Variants in ZNF10 observed in about 807,000 individuals in gnomAD.
The protein encoded by ZNF10 is zinc finger protein 10 (KOX 1).
In ZNF10, 8 loss-of-function variants were observed where a neutral mutation model predicts 12.2. That is an observed-to-expected ratio of 0.66 (90% CI 0.39 to 1.18). The LOEUF (loss-of-function observed/expected upper bound fraction) is 1.18, where lower values mean the gene tolerates loss of function less well. Among genes scored for constraint, ZNF10 ranks in the 50% most tolerant of loss-of-function variants. ZNF10 has a pLI of 0.01. For missense variants in ZNF10, 603 were observed against 678.9 expected, an observed-to-expected ratio of 0.89 and a Z score of 1.24; for synonymous variants, 229 against 228.2, an observed-to-expected ratio of 1.00 and a Z score of -0.03.
intron 1 of ZNF10, among the ~76,000 whole-genome samples, chr12:133,132,230 T>C (rs1955883784): frequency 6.6e-6 from 1 of 152,134 alleles, no homozygotes; most frequent in Non-Finnish European, 1.5e-5. Flanking sequence ...AAAACAGTTC[T>C]GTTTATAGAT....
intron 2 of ZNF10, chr12:133,145,011 T>C (rs770132079): frequency 5.7e-6 from 2 of 350,508 alleles, no homozygotes; most frequent in Admixed American, 4.0e-5. Flanking sequence ...GCCTCCCAAG[T>C]AGCTGGGACT....
At chr12:133,146,439 A>G (rs895154266) in intron 2 of ZNF10, among the ~76,000 whole-genome samples, 3 of 152,218 alleles carry the variant, frequency 2.0e-5, no homozygotes, top group African/African-American at 4.8e-5. Context: ...CAGATCTCAT[A>G]GGACATTCCA....
At position 133,144,502 on chromosome 12, in the gene ZNF10, A is replaced by G; in HGVS notation, c.10A>G (p.Lys4Glu). 6.2e-7 allele frequency: 1 copy of G among 1,614,050 alleles called. No homozygotes were observed. The highest frequency in any genetic ancestry group is 1.1e-5 in the South Asian group (1 of 91,072). Reference protein sequence around the residue: MDAKSLTAWSRTLV... With the variant: MDAESLTAWSRTLV... ...CAAGAACAAGGAGGGCATGGATGCT[A>G]AGTCACTAACTGCCTGGTCCCGGGT... The change falls in exon 2 of 5, where the codon AAG (lysine) becomes GAG (glutamate). Residue 4 changes from lysine (K) to glutamate (E), a missense_variant. Lys to Glu is a moderately conservative substitution (Grantham distance 56, BLOSUM62 1). This residue lies in a region of ZNF10 where 393 missense variants were observed against 399.7 expected (regional missense o/e 0.98). Coordinates refer to ENST00000248211, the MANE Select transcript of ZNF10 (RefSeq NM_015394.5).
Position 133,151,088 on chromosome 12 carries a change from G to GAC in ZNF10, c.97_98dup (p.Ala34LeufsTer10). ...CACCAGGGAGGAGTGGAAGCTGCTG[G>GAC]ACACTGCTCAGCAGATCGTGTACAG... On this transcript the variant is annotated frameshift_variant, in exon 3 of 5. Transcript: ENST00000248211. LOFTEE classifies it high-confidence loss of function. The GAC allele has an allele frequency of 2.5e-6, 4 of 1,613,912 alleles. No individual in the cohort carries two copies. In the South Asian group the frequency reaches 3.3e-5, roughly 13 times the overall value.
intron 1 of ZNF10, among the ~76,000 whole-genome samples, chr12:133,132,727 A>C (rs538819057): frequency 6.6e-6 from 1 of 152,330 alleles, no homozygotes; most frequent in East Asian, 1.9e-4. Flanking sequence ...TTGACTCGTA[A>C]TGAACATCCA....
chr12:133,151,095 C>T lies in ZNF10; in HGVS notation c.101C>T (p.Ala34Val). Reference protein sequence around the residue: ...TREEWKLLDTAQQIVYRNVML... With the variant: ...TREEWKLLDTVQQIVYRNVML... ...GAGGAGTGGAAGCTGCTGGACACTG[C>T]TCAGCAGATCGTGTACAGAAATGTG... The change falls in exon 3 of 5, where the codon GCT (alanine) becomes GTT (valine). Residue 34 changes from alanine (A) to valine (V), a missense_variant. Ala to Val is a moderately conservative substitution (Grantham distance 64). Transcript: ENST00000248211. 6.2e-7 allele frequency: 1 copy of T among 1,613,912 alleles called. No homozygotes were observed. Among genetic ancestry groups the T allele is most frequent in the Non-Finnish European group, 8.5e-7 (1 of 1,179,820 alleles).
At chr12:133,150,272 T>C (rs1320949839) in intron 2 of ZNF10, among the ~76,000 whole-genome samples, 3 of 152,208 alleles carry the variant, frequency 2.0e-5, no homozygotes, top group African/African-American at 7.2e-5. Context: ...CAAATTCTGT[T>C]AGTTTTAGTT....
At position 133,157,713 on chromosome 12, in the gene ZNF10, C is replaced by T. The variant is rs1956051216; in HGVS notation, c.*745C>T. 1 of 152,202 alleles carries T rather than the reference C, an allele frequency of 6.6e-6. No homozygotes were observed. The highest frequency in any genetic ancestry group is 2.1e-4 in the South Asian group (1 of 4,828). 9.4% of individuals were successfully genotyped at this position (152,202 alleles called of 1,614,324 possible). A position where few individuals can be genotyped will look rare whatever the true frequency, so the allele number is the denominator to read the frequency against. ...TATTGTAAGAGGATATCTAGTTTCT[C>T]TATTCTACCATCAAAGAAGCTTTTG... is the stretch of plus-strand genomic sequence containing the variant. On this transcript the variant is annotated 3_prime_UTR_variant, in exon 5 of 5. Transcript: ENST00000248211.
intron 1 of ZNF10, among the ~76,000 whole-genome samples, chr12:133,133,476 T>A (rs1367546247): frequency 6.6e-6 from 1 of 152,198 alleles, no homozygotes; most frequent in Admixed American, 6.5e-5. Flanking sequence ...GTCCTAATTC[T>A]TAAGTGGTTC....
chr12:133,151,873 G>A lies in ZNF10; in HGVS notation c.225G>A (p.Val75=), dbSNP rs749401157. ...AGAAGGGAGAAGAGCCCTGGCTGGT[G>A]GAGAGAGAAATTCACCAAGAGACCC... The part of the protein sequence containing the change: ...RLEKGEEPWL[V]EREIHQETHP... Residue 75 remains valine (V), a synonymous_variant, in exon 4 of 5, where the codon GTG becomes GTA. Coordinates refer to ENST00000248211, the MANE Select transcript of ZNF10 (RefSeq NM_015394.5). The A allele has an allele frequency of 1.9e-6, 3 of 1,613,494 alleles. No homozygotes were observed. The highest frequency in any genetic ancestry group is 1.7e-6 in the Non-Finnish European group (2 of 1,179,588).
rs1175302663 is a variant in ZNF10, at chr12:133,146,097, TAG to T, written c.33+1573_33+1574del. 3.9e-5 allele frequency among the ~76,000 whole-genome samples: 6 copies of T among 152,248 alleles called. No individual in the cohort carries two copies. The East Asian group carries it at 1.2e-3, about 29-fold the overall frequency. On this transcript the variant is annotated intron_variant, in intron 2 of 4. Transcript: ENST00000248211. The stretch of plus-strand genomic sequence containing the variant: ...GAGTGAGTCAAGGACTAGTGGAAAG[TAG>T]CAGGCACACTGAACTTCAGTAATAC...
Position 133,155,701 on chromosome 12 carries a change from T to C in ZNF10, c.455T>C (p.Phe152Ser), listed in dbSNP as rs1383249108. 1 of 1,611,766 alleles carries C rather than the reference T, an allele frequency of 6.2e-7. No homozygotes were observed. The highest frequency in any genetic ancestry group is 1.7e-5 in the Admixed American group (1 of 59,516). ...GAGAGACATTTGAGGCAAGTGGCAT[T>C]CACCCAAAAGAAAGTACTTACTCAG... ...NPERHLRQVA[F>S]TQKKVLTQER... Residue 152 changes from phenylalanine (F) to serine (S), a missense_variant, in exon 5 of 5, where the codon TTC becomes TCC. This residue lies in a region of ZNF10 where 393 missense variants were observed against 399.7 expected (regional missense o/e 0.98). Coordinates refer to ENST00000248211, the MANE Select transcript of ZNF10 (RefSeq NM_015394.5).
chr12:133,145,810 C>G (rs577907501), intron 2 of ZNF10, among the ~76,000 whole-genome samples: 1 of 135,936 alleles, frequency 7.4e-6, no homozygotes, highest in African/African-American at 2.6e-5. Flanking sequence ...GTCCCACCCC[C>G]CCACCCCCAC....
intron 1 of ZNF10, among the ~76,000 whole-genome samples, chr12:133,136,433 C>T (rs528312594): frequency 6.6e-6 from 1 of 152,290 alleles, no homozygotes; most frequent in South Asian, 2.1e-4. Context: ...ATTTATCTAA[C>T]TCTATTTTGA....
intron 1 of ZNF10, among the ~76,000 whole-genome samples, chr12:133,136,288 C>G (rs1455628677): frequency 1.3e-5 from 2 of 152,164 alleles, no homozygotes; most frequent in East Asian, 3.9e-4. Flanking sequence ...CCTGCCCTTT[C>G]TCTTCCTTCT....
At chr12:133,131,344 G>A (rs564647894) in intron 1 of ZNF10, among the ~76,000 whole-genome samples, 89 of 73,548 alleles carry the variant, frequency 1.2e-3, no homozygotes, top group Non-Finnish European at 2.0e-3. Flanking sequence ...ATATATATAC[G>A]CCATCTAACA....
intron 1 of ZNF10, among the ~76,000 whole-genome samples, chr12:133,135,246 G>A (rs1440254580): frequency 6.6e-6 from 1 of 152,118 alleles, no homozygotes; most frequent in Non-Finnish European, 1.5e-5. Flanking sequence ...GGATCTCAGA[G>A]CATCCAGACT....
At chr12:133,150,883 A>T in intron 2 of ZNF10, 145 bp from the exon 3 acceptor site, 1 of 892,030 alleles carries the variant, frequency 1.1e-6, no homozygotes, top group Non-Finnish European at 1.6e-6. Flanking sequence ...TAGAATAAAT[A>T]CTACTCACTC....
intron 1 of ZNF10, among the ~76,000 whole-genome samples, chr12:133,131,770 G>C (rs1420313722): frequency 2.6e-5 from 4 of 152,122 alleles, no homozygotes; most frequent in African/African-American, 9.7e-5. Context: ...CTCTCAGCAT[G>C]CATTTCTTTA....
Sources: gnomAD v4.1 joint callset for allele counts (sites outside exome capture counted in the v4.1 genomes callset) on GRCh38, gnomAD v4.1.1 for gene constraint, gnomAD v4.1.1 regional missense constraint, MANE v1.5 for transcripts, NCBI Gene and HGNC (gene_info 2026-07-23, HGNC 2026-07-21) for gene names.